The following SPATA16 variants were observed in gnomAD, a reference collection of about 807,000 sequenced individuals.
SPATA16 encodes spermatogenesis associated 16.
Under a neutral mutation model 63.3 loss-of-function variants are expected in SPATA16, and 36 were observed. The ratio of observed to expected loss-of-function variants is 0.57; its 90% CI spans 0.44 to 0.75. SPATA16 has a LOEUF of 0.75. Among genes scored for constraint, SPATA16 ranks in the 30% least tolerant of loss-of-function variants. The pLI is 0.00. For missense variants in SPATA16, 646 were observed against 679.3 expected (o/e 0.95, Z 0.54); for synonymous variants, 203 against 216.7 (o/e 0.94, Z 0.56).
At chr3:173,000,219 G>T (rs1433712471) in intron 4 of SPATA16, among the ~76,000 whole-genome samples, 1 of 152,162 alleles carries the variant, frequency 6.6e-6, no homozygotes, top group Admixed American at 6.5e-5. Context: ...TGAGGAACAG[G>T]TCTTCACTAG....
chr3:172,921,006 G>A (rs1435587876), intron 8 of SPATA16, among the ~76,000 whole-genome samples: 4 of 150,660 alleles, frequency 2.7e-5, no homozygotes, highest in Non-Finnish European at 4.4e-5. Context: ...AACATATATG[G>A]TATGAGGCAA....
chr3:173,018,858 T>G (rs1735255590), intron 4 of SPATA16, among the ~76,000 whole-genome samples: 1 of 152,120 alleles, frequency 6.6e-6, no homozygotes, highest in South Asian at 2.1e-4. Context: ...AGGAGTCTTG[T>G]GAGCTAATCC....
chr3:173,087,263 C>CTAAA (rs1179380734), intron 2 of SPATA16, among the ~76,000 whole-genome samples: 1 of 152,116 alleles, frequency 6.6e-6, no homozygotes, highest in African/African-American at 2.4e-5. Context: ...GAATTGAGCC[C>CTAAA]ATTACATTAA....
chr3:173,133,217 T>C (rs73032611), intron 1 of SPATA16, among the ~76,000 whole-genome samples: 8,236 of 152,236 alleles, frequency 0.054, 755 homozygotes, highest in African/African-American at 0.19. Context: ...ACCTGCAGAC[T>C]ACATTTTTAT....
intron 4 of SPATA16, among the ~76,000 whole-genome samples, chr3:173,006,414 A>C (rs1450102140): frequency 2.0e-5 from 3 of 152,218 alleles, no homozygotes; most frequent in Non-Finnish European, 4.4e-5. Context: ...CATTTAATCT[A>C]TTTGTAGGCA....
chr3:172,993,177 C>G (rs908460175), intron 4 of SPATA16, among the ~76,000 whole-genome samples: 8 of 146,594 alleles, frequency 5.5e-5, no homozygotes, highest in Non-Finnish European at 8.9e-5. Context: ...AAAATCCAAC[C>G]TTTGTTGGAT....
At chr3:173,019,721 C>G (rs183976541) in intron 3 of SPATA16, 146 bp from the exon 4 acceptor site, 1 of 697,718 alleles carries the variant, frequency 1.4e-6, no homozygotes, top group Non-Finnish European at 2.5e-6. Context: ...CCCCGCCCCC[C>G]GTAATTGGCA....
At chr3:173,093,107 G>T (rs1449462266) in intron 2 of SPATA16, among the ~76,000 whole-genome samples, 2 of 150,446 alleles carry the variant, frequency 1.3e-5, no homozygotes, top group Non-Finnish European at 3.0e-5. Flanking sequence ...AGTTATGATT[G>T]ACAGTTATCT....
At chr3:172,975,764 A>AT (rs951712086) in intron 5 of SPATA16, among the ~76,000 whole-genome samples, 7 of 151,748 alleles carry the variant, frequency 4.6e-5, no homozygotes, top group African/African-American at 9.7e-5. Flanking sequence ...ACTAATTTAA[A>AT]TTTTTTTTTA....
intron 2 of SPATA16, among the ~76,000 whole-genome samples, chr3:173,076,731 G>A (rs757591608): frequency 2.0e-4 from 31 of 152,134 alleles, no homozygotes; most frequent in Non-Finnish European, 3.8e-4. Context: ...TAGGATAAAG[G>A]AAAATTATTC....
chr3:173,019,991 TAAA>T (rs3085788), intron 3 of SPATA16, among the ~76,000 whole-genome samples: 5 of 143,344 alleles, frequency 3.5e-5, no homozygotes, highest in African/African-American at 7.7e-5. Flanking sequence ...GAATTTCAGT[TAAA>T]AAAAAAAAAA....
chr3:172,912,955 G>T (rs1021477416), intron 10 of SPATA16, among the ~76,000 whole-genome samples: 1 of 152,170 alleles, frequency 6.6e-6, no homozygotes, highest in African/African-American at 2.4e-5. Context: ...TTAAACTGAA[G>T]GTTCTTTTGT....
At chr3:173,101,663 A>C (rs939961509) in intron 2 of SPATA16, among the ~76,000 whole-genome samples, 1 of 152,056 alleles carries the variant, frequency 6.6e-6, no homozygotes, top group African/African-American at 2.4e-5. Context: ...TGAATCTTCT[A>C]ACATCCTGGC....
At chr3:172,939,606 A>G (rs955251546) in intron 6 of SPATA16, among the ~76,000 whole-genome samples, 1 of 152,222 alleles carries the variant, frequency 6.6e-6, no homozygotes, top group Non-Finnish European at 1.5e-5. Context: ...AAGCCCTAAC[A>G]CAGACTACGA....
intron 2 of SPATA16, among the ~76,000 whole-genome samples, chr3:173,074,992 CAAAAAAAAAA>C (rs35683679): frequency 1.5e-5 from 1 of 66,838 alleles, no homozygotes; most frequent in Non-Finnish European, 3.5e-5. Context: ...GACTCTATCT[CAAAAAAAAAA>C]AAAAAAAAAA....
At chr3:172,926,251 A>G (rs1732731151) in intron 6 of SPATA16, among the ~76,000 whole-genome samples, 1 of 152,240 alleles carries the variant, frequency 6.6e-6, no homozygotes, top group African/African-American at 2.4e-5. Flanking sequence ...ACCATCCTTC[A>G]TCTAGCCATA....
intron 1 of SPATA16, among the ~76,000 whole-genome samples, chr3:173,119,717 A>T (rs1738004649): frequency 6.9e-6 from 1 of 145,478 alleles, no homozygotes; most frequent in Non-Finnish European, 1.5e-5. Flanking sequence ...ACTGTGAATC[A>T]CAGGCCCCAC....
intron 2 of SPATA16, among the ~76,000 whole-genome samples, chr3:173,056,688 G>A (rs1209515378): frequency 1.7e-5 from 2 of 118,658 alleles, no homozygotes; most frequent in South Asian, 2.9e-4. Flanking sequence ...TGGAGCAACA[G>A]AGTGAGACTC....
intron 2 of SPATA16, among the ~76,000 whole-genome samples, chr3:173,064,540 C>T (rs1169346762): frequency 6.6e-6 from 1 of 152,088 alleles, no homozygotes; most frequent in African/African-American, 2.4e-5. Flanking sequence ...AATATGTAAT[C>T]TTGTCCACAC....
Sources: gnomAD v4.1 joint callset for allele counts (sites outside exome capture counted in the v4.1 genomes callset) on GRCh38, gnomAD v4.1.1 for gene constraint, MANE v1.5 for transcripts, NCBI Gene and HGNC (gene_info 2026-07-23, HGNC 2026-07-21) for gene names.